Variants in SBF2 observed in about 807,000 individuals in gnomAD.
SBF2 encodes the protein SET binding factor 2.
In SBF2, 112 loss-of-function variants were observed where a neutral mutation model predicts 225.2. The observed-to-expected ratio is 0.50, with a 90% CI of 0.43 to 0.58. The LOEUF (loss-of-function observed/expected upper bound fraction) is 0.58, where lower values mean the gene tolerates loss of function less well. Among genes scored for constraint, SBF2 ranks in the 20% least tolerant of loss-of-function variants. The probability of loss-of-function intolerance (pLI) is 0.00; values close to 1 mark genes in which losing one functional copy is unlikely to be tolerated. For synonymous variants in SBF2, 763 were observed against 773.3 expected, an observed-to-expected ratio of 0.99 and a Z score of 0.22; for missense variants, 1,996 against 2,206.2, an observed-to-expected ratio of 0.90 and a Z score of 1.91.
At chr11:10,288,990 G>C (rs1329370841) in intron 1 of SBF2, among the ~76,000 whole-genome samples, 6 of 152,190 alleles carry the variant, frequency 3.9e-5, no homozygotes, top group Non-Finnish European at 7.4e-5. Context: ...ACGACGCCCA[G>C]GCTTCTCGCT....
chr11:9,898,420 C>T (rs1163253871), intron 16 of SBF2, among the ~76,000 whole-genome samples: 2 of 152,082 alleles, frequency 1.3e-5, no homozygotes, highest in East Asian at 1.9e-4. Context: ...CCTGTAATCC[C>T]AGCACTTTAG....
chr11:9,885,967 A>G (rs1389776558), intron 17 of SBF2, among the ~76,000 whole-genome samples: 2 of 152,084 alleles, frequency 1.3e-5, no homozygotes, highest in Non-Finnish European at 2.9e-5. Context: ...TTCACCTCCT[A>G]CTGTCTCAGA....
chr11:9,912,195 A>G (rs1217029608), intron 16 of SBF2, among the ~76,000 whole-genome samples: 5 of 144,124 alleles, frequency 3.5e-5, no homozygotes, highest in African/African-American at 1.0e-4. Context: ...GGTGCCTGTA[A>G]TCTCAGCTAC....
At chr11:10,114,408 T>C (rs1472615474) in intron 2 of SBF2, among the ~76,000 whole-genome samples, 1 of 152,206 alleles carries the variant, frequency 6.6e-6, no homozygotes, top group African/African-American at 2.4e-5. Flanking sequence ...AAAACTCCTA[T>C]TAGGCATAAG....
At chr11:10,261,567 G>A (rs1961435233) in intron 1 of SBF2, among the ~76,000 whole-genome samples, 1 of 151,992 alleles carries the variant, frequency 6.6e-6, no homozygotes, top group Admixed American at 6.6e-5. Context: ...GAAAAGATGT[G>A]GTCGTTTCTT....
chr11:10,079,825 T>A (rs939261735), intron 2 of SBF2, among the ~76,000 whole-genome samples: 1 of 151,938 alleles, frequency 6.6e-6, no homozygotes, highest in African/African-American at 2.4e-5. Flanking sequence ...GGAAAAAAAA[T>A]TCTAAAATCA....
At chr11:10,108,916 G>A (rs549776134) in intron 2 of SBF2, among the ~76,000 whole-genome samples, 1 of 152,250 alleles carries the variant, frequency 6.6e-6, no homozygotes, top group African/African-American at 2.4e-5. Context: ...ATAAATTAAT[G>A]TTCCCACTTA....
At chr11:9,808,379 A>T (rs1853971471) in intron 31 of SBF2, 194 bp from the exon 32 acceptor site, 3 of 618,892 alleles carry the variant, frequency 4.8e-6, no homozygotes, top group African/African-American at 1.8e-5. Context: ...GCTCAAATTC[A>T]TTTTGGCTAC....
chr11:10,195,084 T>C (rs1180502685), intron 1 of SBF2, among the ~76,000 whole-genome samples: 1 of 152,190 alleles, frequency 6.6e-6, no homozygotes, highest in Non-Finnish European at 1.5e-5. Context: ...AACTTGACCA[T>C]TGTTTAGGCA....
At chr11:10,137,025 A>G (rs150323929) in intron 2 of SBF2, among the ~76,000 whole-genome samples, 9 of 152,296 alleles carry the variant, frequency 5.9e-5, no homozygotes, top group African/African-American at 1.4e-4. Flanking sequence ...TACTGTATTG[A>G]GTCTTCCAAT....
chr11:10,072,985 C>CG lies in SBF2; in HGVS notation c.142-30005dup, dbSNP rs1242965849. ...TTTGCCCAGTCTGGTTTTGAACCCC[C>CG]GGGCTCAAGCAATCCGCCTGCCTTG... On this transcript the variant is annotated intron_variant, in intron 2 of 39. Coordinates refer to ENST00000256190, the MANE Select transcript of SBF2 (RefSeq NM_030962.4). Among the ~76,000 whole-genome samples the CG allele has an allele frequency of 2.0e-5, 3 of 151,850 alleles. No individual in the cohort carries two copies. In the East Asian group the frequency reaches 5.8e-4, roughly 29 times the overall value.
chr11:9,810,463 A>G (rs1398166888), intron 30 of SBF2: 1 of 152,256 alleles, frequency 6.6e-6, no homozygotes, highest in Non-Finnish European at 1.5e-5. Context: ...TAATTTTAAA[A>G]AATATTTTAA....
intron 6 of SBF2, among the ~76,000 whole-genome samples, chr11:10,020,295 A>G (rs1948801784): frequency 6.6e-6 from 1 of 152,078 alleles, no homozygotes. Flanking sequence ...CTGGATTGGT[A>G]AAGAAAAAAT....
chr11:10,093,382 GAA>G (rs34568610), intron 2 of SBF2, among the ~76,000 whole-genome samples: 11 of 126,844 alleles, frequency 8.7e-5, no homozygotes, highest in Admixed American at 3.1e-4. Context: ...TGGTCAGCTG[GAA>G]AAAAAAAAAA....
chr11:9,820,924 C>CT, intron 28 of SBF2, among the ~76,000 whole-genome samples: 1 of 152,340 alleles, frequency 6.6e-6, no homozygotes, highest in South Asian at 2.1e-4. Flanking sequence ...CCACAGGTAG[C>CT]TACTGGTATG....
Position 9,808,189 on chromosome 11 carries a change from G to A in SBF2, c.4258-4C>T. The A allele has an allele frequency of 6.2e-7, 1 of 1,612,982 alleles. No homozygotes were observed. The highest frequency in any genetic ancestry group is 1.3e-5 in the African/African-American group (1 of 75,028). ...GTAACTGAACCAGGGATGTCACCTA[G>A]GGCATAAGCAGGATGGATTGTCATT... On this transcript the variant is annotated splice_polypyrimidine_tract_variant and splice_region_variant and intron_variant, in intron 31 of 39. Coordinates refer to ENST00000256190, the MANE Select transcript of SBF2 (RefSeq NM_030962.4).
Position 9,899,413 on chromosome 11 carries a change from A to C in SBF2, c.1861-3402T>G, listed in dbSNP as rs567455070. Among the ~76,000 whole-genome samples the C allele has an allele frequency of 1.4e-4, 20 of 148,138 alleles. No homozygotes were observed. The South Asian group carries it at 4.1e-3, about 30-fold the overall frequency. The stretch of plus-strand genomic sequence containing the variant: ...CAGCTACTTGGGAGGCTGAGATGGG[A>C]GGATCGCTTGAGCTTGGGAGTTTGA... On this transcript the variant is annotated intron_variant, in intron 16 of 39. Coordinates refer to ENST00000256190, the MANE Select transcript of SBF2 (RefSeq NM_030962.4).
At chr11:9,782,119 G>A (rs574630252) in intron 38 of SBF2, among the ~76,000 whole-genome samples, 5 of 151,596 alleles carry the variant, frequency 3.3e-5, no homozygotes, top group African/African-American at 1.2e-4. Context: ...CTGTGAGGTC[G>A]AGCTGCAGTG....
chr11:10,227,122 T>G (rs1958601353), intron 1 of SBF2, among the ~76,000 whole-genome samples: 1 of 152,326 alleles, frequency 6.6e-6, no homozygotes, highest in Admixed American at 6.5e-5. Flanking sequence ...ATAAATGTCT[T>G]CTTTTGAGAA....
Sources: allele counts gnomAD v4.1 joint callset (sites outside exome capture counted in the v4.1 genomes callset), GRCh38; gene constraint gnomAD v4.1.1; transcripts MANE v1.5; gene names NCBI Gene and HGNC (gene_info 2026-07-23, HGNC 2026-07-21).